Variants in PTPRN2 observed in about 807,000 individuals in gnomAD.
PTPRN2 encodes the protein protein tyrosine phosphatase receptor type N2.
A neutral mutation model predicts 118.8 loss-of-function variants in PTPRN2; 74 were observed. That is an observed-to-expected ratio of 0.62 (90% CI 0.52 to 0.76). The LOEUF (loss-of-function observed/expected upper bound fraction) is 0.76, where lower values mean the gene tolerates loss of function less well. Among genes scored for constraint, PTPRN2 ranks in the 30% least tolerant of loss-of-function variants. The pLI is 0.00. For missense variants in PTPRN2, 1,481 were observed against 1,394.4 expected (o/e 1.06, Z -0.99); for synonymous variants, 641 against 608.0 (o/e 1.05, Z -0.80).
In PTPRN2 at chr7:157,874,776, C is replaced by T. The variant is rs891449755; in HGVS notation, c.1788+23897G>A. On this transcript the variant is annotated intron_variant, in intron 12 of 22. Transcript: ENST00000389418. The surrounding 1 kb of genome is among the most constrained non-coding windows in gnomAD (Gnocchi z 5.8). ...AGACACACACTCATGCACACACACACGAACACACTCATACACATATACACA... is the reference window on the plus strand; with the variant it reads ...AGACACACACTCATGCACACACACATGAACACACTCATACACATATACACA... Among the ~76,000 whole-genome samples the T allele has an allele frequency of 1.3e-5, 2 of 149,006 alleles. No individual in the cohort carries two copies. Among genetic ancestry groups the T allele is most frequent in the East Asian group, 2.0e-4 (1 of 5,052 alleles).
At chr7:157,795,153 G>A (rs1804786217) in intron 12 of PTPRN2, among the ~76,000 whole-genome samples, 3 of 140,444 alleles carry the variant, frequency 2.1e-5, no homozygotes, top group Non-Finnish European at 3.1e-5. Flanking sequence ...GAGGCACTTC[G>A]GCGGGGTCGG....
At chr7:158,520,668 CA>C (rs1823911855) in intron 1 of PTPRN2, among the ~76,000 whole-genome samples, 2 of 152,202 alleles carry the variant, frequency 1.3e-5, no homozygotes, top group Non-Finnish European at 2.9e-5. Context: ...GTAGCACTTA[CA>C]TGGTTTTTTA....
At chr7:158,331,070 C>G (rs1804307082) in intron 2 of PTPRN2, among the ~76,000 whole-genome samples, 1 of 148,404 alleles carries the variant, frequency 6.7e-6, no homozygotes, top group Non-Finnish European at 1.5e-5. Context: ...CTCACACCCA[C>G]ACTCTCACCA....
intron 12 of PTPRN2, among the ~76,000 whole-genome samples, chr7:157,860,325 C>T (rs889462909): frequency 3.3e-5 from 5 of 152,232 alleles, no homozygotes; most frequent in African/African-American, 1.2e-4. Context: ...GGGATGTCCA[C>T]GTGACCCCAG....
At chr7:157,556,741 C>A (rs1422450718) in intron 21 of PTPRN2, among the ~76,000 whole-genome samples, 1 of 151,426 alleles carries the variant, frequency 6.6e-6, no homozygotes, top group African/African-American at 2.4e-5. Context: ...TACACTCACA[C>A]CCCACACTCA....
chr7:158,336,726 A>ATCC (rs1805627148), intron 2 of PTPRN2, among the ~76,000 whole-genome samples: 1 of 125,148 alleles, frequency 8.0e-6, no homozygotes, highest in African/African-American at 3.0e-5. Flanking sequence ...TCACCAAAAG[A>ATCC]GCTGACGCCC....
At chr7:157,732,254 T>C (rs1799990596) in intron 12 of PTPRN2, among the ~76,000 whole-genome samples, 1 of 41,524 alleles carries the variant, frequency 2.4e-5, no homozygotes. Flanking sequence ...AGTTACCCTT[T>C]CCCGTCCCAC....
chr7:157,862,115 G>T (rs1810283682), intron 12 of PTPRN2, among the ~76,000 whole-genome samples: 1 of 152,082 alleles, frequency 6.6e-6, no homozygotes, highest in Non-Finnish European at 1.5e-5. Flanking sequence ...GGACACTGCT[G>T]CTTCGAGGAC....
chr7:158,346,075 CTA>C (rs1371700343), intron 2 of PTPRN2, among the ~76,000 whole-genome samples: 1 of 152,192 alleles, frequency 6.6e-6, no homozygotes, highest in Non-Finnish European at 1.5e-5. Context: ...CAAGGCAATG[CTA>C]TGATTTATGA....
chr7:157,663,926 G>A (rs867531517), intron 13 of PTPRN2, among the ~76,000 whole-genome samples: 1 of 152,222 alleles, frequency 6.6e-6, no homozygotes, highest in Non-Finnish European at 1.5e-5. Flanking sequence ...ACTTGACTTA[G>A]TAATGGTTTA....
At chr7:158,448,401 G>C (rs1402224129) in intron 2 of PTPRN2, among the ~76,000 whole-genome samples, 1 of 152,182 alleles carries the variant, frequency 6.6e-6, no homozygotes, top group African/African-American at 2.4e-5. Context: ...TGGGGAGGAG[G>C]AGGGAGGTTG....
At chr7:157,915,369 C>G (rs953287417) in intron 11 of PTPRN2, among the ~76,000 whole-genome samples, 1 of 152,130 alleles carries the variant, frequency 6.6e-6, no homozygotes, top group Non-Finnish European at 1.5e-5. Context: ...GCTGTCCAGG[C>G]AGCATGCAGT....
chr7:157,840,386 G>A (rs1584835894), intron 12 of PTPRN2, among the ~76,000 whole-genome samples: 3 of 138,726 alleles, frequency 2.2e-5, no homozygotes, highest in African/African-American at 9.1e-5. Context: ...GTGTGACCGC[G>A]TGTGACTGTG....
intron 3 of PTPRN2, among the ~76,000 whole-genome samples, chr7:158,289,934 C>T (rs1201004465): frequency 2.6e-5 from 4 of 152,180 alleles, no homozygotes; most frequent in Non-Finnish European, 5.9e-5. Context: ...CCTGGGTTAG[C>T]AGGTGAGTGA....
intron 6 of PTPRN2, among the ~76,000 whole-genome samples, chr7:158,156,402 G>A (rs557768027): frequency 2.6e-5 from 4 of 152,320 alleles, no homozygotes; most frequent in Non-Finnish European, 5.9e-5. Flanking sequence ...CGGACGACAG[G>A]TAACGCAGCT....
chr7:158,301,457 C>A (rs1800885826), intron 3 of PTPRN2, among the ~76,000 whole-genome samples: 1 of 152,204 alleles, frequency 6.6e-6, no homozygotes, highest in Admixed American at 6.5e-5. Flanking sequence ...GTCTTAGCTC[C>A]CGAGGTGCTT....
Position 158,457,790 on chromosome 7 carries a change from C to T in PTPRN2, c.163+31945G>A, listed in dbSNP as rs139225199. Among the ~76,000 whole-genome samples, 875 of 148,494 alleles carry T rather than the reference C, an allele frequency of 5.9e-3. 20 individuals carry two copies. The highest frequency in any genetic ancestry group is 0.021 in the African/African-American group (805 of 38,740). On this transcript the variant is annotated intron_variant, in intron 2 of 22. Transcript: ENST00000389418. ...ACAGCGGATGCGCGGCCCCAGTCAG[C>T]GCACGGTGAGGGGCGTTAACACCAG...
At chr7:158,346,828 T>C (rs1807547699) in intron 2 of PTPRN2, among the ~76,000 whole-genome samples, 1 of 152,264 alleles carries the variant, frequency 6.6e-6, no homozygotes, top group Non-Finnish European at 1.5e-5. Context: ...ATTGTGGTTT[T>C]GATTTGCATT....
intron 2 of PTPRN2, among the ~76,000 whole-genome samples, chr7:158,365,796 C>T (rs1437764972): frequency 1.2e-4 from 17 of 142,076 alleles, no homozygotes; most frequent in Admixed American, 1.1e-3. Context: ...CCCACACACA[C>T]ACAGCATCCC....
Sources: gnomAD v4.1 joint callset for allele counts (sites outside exome capture counted in the v4.1 genomes callset) on GRCh38, gnomAD v4.1.1 for gene constraint, Gnocchi (gnomAD v3.1) non-coding constraint, MANE v1.5 for transcripts, NCBI Gene and HGNC (gene_info 2026-07-23, HGNC 2026-07-21) for gene names.